Variants in RPSA2 observed in about 807,000 individuals in gnomAD.
RPSA2 encodes the protein ribosomal protein SA 2, also known as small ribosomal subunit protein uS2B.
At chr19:23,854,108 T>A in the RPSA2 span, among the ~76,000 whole-genome samples, 1 of 151,558 alleles carries the variant, frequency 6.6e-6, no homozygotes, top group Non-Finnish European at 1.5e-5. Flanking sequence ...TAAAAGTAAT[T>A]GAGCAACTGA....
chr19:23,814,143 C>T, the RPSA2 span, among the ~76,000 whole-genome samples: 5 of 149,726 alleles, frequency 3.3e-5, no homozygotes, highest in Admixed American at 6.7e-5. Context: ...ACCTGGAAGG[C>T]GGAGGTTGCA....
chr19:23,840,074 C>G, the RPSA2 span, among the ~76,000 whole-genome samples: 1 of 151,740 alleles, frequency 6.6e-6, no homozygotes, highest in African/African-American at 2.4e-5. Flanking sequence ...ATACTCTCTC[C>G]TGAGAAGGAA....
At chr19:23,832,855 CATAAG>C in the RPSA2 span, 1 of 1,580,650 alleles carries the variant, frequency 6.3e-7, no homozygotes, top group Non-Finnish European at 8.6e-7. Context: ...CCTTACTACA[CATAAG>C]AGAATTCATA....
chr19:23,768,827 A>G, the RPSA2 span, among the ~76,000 whole-genome samples: 4 of 150,988 alleles, frequency 2.6e-5, no homozygotes, highest in East Asian at 2.0e-4. Context: ...ACCTCAGCCA[A>G]TCCGCCCGCC....
the RPSA2 span, among the ~76,000 whole-genome samples, chr19:23,838,285 T>G: frequency 6.0e-5 from 5 of 83,864 alleles, no homozygotes; most frequent in Admixed American, 7.5e-4. Flanking sequence ...ATCTGTGGTG[T>G]GAAACCCACT....
chr19:23,779,336 ACT>A, the RPSA2 span, among the ~76,000 whole-genome samples: 1 of 151,532 alleles, frequency 6.6e-6, no homozygotes, highest in Non-Finnish European at 1.5e-5. Context: ...AGGTAATAAG[ACT>A]CTTCTCCATT....
the RPSA2 span, among the ~76,000 whole-genome samples, chr19:23,831,105 C>A: frequency 6.6e-6 from 1 of 151,966 alleles, no homozygotes; most frequent in Middle Eastern, 3.2e-3. Flanking sequence ...GCTGCTCTAC[C>A]ACTTTTTTTT....
At chr19:23,839,283 A>G in the RPSA2 span, among the ~76,000 whole-genome samples, 1 of 152,088 alleles carries the variant, frequency 6.6e-6, no homozygotes, top group Non-Finnish European at 1.5e-5. Flanking sequence ...GTTTTATTCC[A>G]CTGTGATCTG....
At chr19:23,786,264 T>A in the RPSA2 span, among the ~76,000 whole-genome samples, 3 of 152,338 alleles carry the variant, frequency 2.0e-5, no homozygotes, top group East Asian at 1.9e-4. Context: ...GGTGATTCTC[T>A]TACCTAGAAC....
chr19:23,836,322 TA>T, the RPSA2 span, among the ~76,000 whole-genome samples: 1 of 152,150 alleles, frequency 6.6e-6, no homozygotes, highest in Non-Finnish European at 1.5e-5. Context: ...CAAATGCTTT[TA>T]ATTAATTACT....
the RPSA2 span, among the ~76,000 whole-genome samples, chr19:23,792,661 C>T: frequency 8.0e-5 from 12 of 150,162 alleles, no homozygotes; most frequent in East Asian, 9.8e-4. Context: ...ATTACAGGCG[C>T]GCACCACCAA....
At chr19:23,844,748 G>C in the RPSA2 span, among the ~76,000 whole-genome samples, 1 of 151,486 alleles carries the variant, frequency 6.6e-6, no homozygotes, top group Non-Finnish European at 1.5e-5. Flanking sequence ...TTGTGTTCAT[G>C]GCTAGTTTTG....
the RPSA2 span, among the ~76,000 whole-genome samples, chr19:23,839,236 G>A: frequency 1.3e-5 from 2 of 152,148 alleles, no homozygotes; most frequent in Non-Finnish European, 2.9e-5. Context: ...CCATGTATTT[G>A]CATGGTTTTG....
At chr19:23,832,798 C>G in the RPSA2 span, 1 of 1,575,700 alleles carries the variant, frequency 6.3e-7, no homozygotes. Flanking sequence ...TGGAGAGAAA[C>G]CCTACAAATG....
chr19:23,778,281 C>T, the RPSA2 span, among the ~76,000 whole-genome samples: 2 of 152,198 alleles, frequency 1.3e-5, no homozygotes, highest in Admixed American at 6.5e-5. Context: ...GGCGCAATCT[C>T]GGCTAACCGC....
At chr19:23,812,818 T>G in the RPSA2 span, among the ~76,000 whole-genome samples, 3 of 152,246 alleles carry the variant, frequency 2.0e-5, no homozygotes, top group Non-Finnish European at 2.9e-5. Flanking sequence ...ACAAACACTT[T>G]GTGATTTGGA....
the RPSA2 span, among the ~76,000 whole-genome samples, chr19:23,849,158 C>T: frequency 9.8e-5 from 15 of 152,298 alleles, no homozygotes; most frequent in Non-Finnish European, 1.8e-4. Context: ...ATATTTCCCA[C>T]TAACAGCATG....
the RPSA2 span, among the ~76,000 whole-genome samples, chr19:23,762,435 G>C: frequency 1.3e-5 from 2 of 151,808 alleles, no homozygotes; most frequent in African/African-American, 2.4e-5. Context: ...CAGCACTTTG[G>C]GAGGCTGAGG....
the RPSA2 span, among the ~76,000 whole-genome samples, chr19:23,769,879 GC>G: frequency 6.6e-6 from 1 of 152,100 alleles, no homozygotes; most frequent in Non-Finnish European, 1.5e-5. Flanking sequence ...TCCTGCAAGG[GC>G]CCCGCCCACA....
Sources: gnomAD v4.1 joint callset for allele counts (sites outside exome capture counted in the v4.1 genomes callset) on GRCh38, gnomAD v4.1.1 for gene constraint, MANE v1.5 for transcripts, NCBI Gene and HGNC (gene_info 2026-07-23, HGNC 2026-07-21) for gene names.